PTPRM: variants seen among roughly 807,000 people sequenced by gnomAD.
The protein encoded by PTPRM is receptor-type tyrosine-protein phosphatase mu.
Under a neutral mutation model 186.7 loss-of-function variants are expected in PTPRM, and 47 were observed. The ratio of observed to expected loss-of-function variants is 0.25; its 90% confidence interval spans 0.20 to 0.32. The LOEUF is 0.32. Ranked by LOEUF, PTPRM falls within the 10% of genes least tolerant of loss-of-function variation. The pLI, the probability that PTPRM is intolerant of heterozygous loss-of-function variation, is 1.00. For synonymous variants in PTPRM, 668 were observed against 674.9 expected (o/e 0.99, Z 0.16); for missense variants, 1,494 against 1,865.0 (o/e 0.80, Z 3.66).
At chr18:8,052,770 T>C (rs1368514921) in intron 7 of PTPRM, among the ~76,000 whole-genome samples, 1 of 152,202 alleles carries the variant, frequency 6.6e-6, no homozygotes, top group African/African-American at 2.4e-5. Context: ...TTGTGTTCCA[T>C]AGTGGCTGTA....
At chr18:7,620,475 A>C (rs2037911679) in intron 1 of PTPRM, among the ~76,000 whole-genome samples, 1 of 152,110 alleles carries the variant, frequency 6.6e-6, no homozygotes. Flanking sequence ...GAGTGGGTGA[A>C]AGTGCTTGTA....
chr18:8,067,068 A>T (rs2089139492), intron 7 of PTPRM, among the ~76,000 whole-genome samples: 3 of 152,246 alleles, frequency 2.0e-5, no homozygotes, highest in African/African-American at 4.8e-5. Context: ...ATAGTTTTCC[A>T]TTGAAATTAA....
At chr18:7,943,467 G>A (rs1165940580) in intron 5 of PTPRM, among the ~76,000 whole-genome samples, 4 of 152,172 alleles carry the variant, frequency 2.6e-5, no homozygotes, top group South Asian at 2.1e-4. Flanking sequence ...CAAGATGCAC[G>A]ACCCCTGGAC....
At chr18:7,959,584 T>A (rs1209057284) in intron 7 of PTPRM, among the ~76,000 whole-genome samples, 3 of 152,238 alleles carry the variant, frequency 2.0e-5, no homozygotes, top group Non-Finnish European at 4.4e-5. Context: ...TGTAACACAC[T>A]TCCAAAACTC....
intron 26 of PTPRM, chr18:8,376,919 C>T (rs779333378): frequency 8.0e-5 from 19 of 237,132 alleles, no homozygotes; most frequent in Middle Eastern, 1.4e-3. Flanking sequence ...CTCTTTTAAA[C>T]TAGCTGGTAA....
chr18:7,834,753 A>C (rs567827315), intron 2 of PTPRM, among the ~76,000 whole-genome samples: 12 of 151,832 alleles, frequency 7.9e-5, no homozygotes, highest in African/African-American at 2.9e-4. Context: ...CATTTTCTTT[A>C]CTATAAGGCT....
intron 14 of PTPRM, among the ~76,000 whole-genome samples, chr18:8,183,256 C>T (rs1316290720): frequency 6.6e-6 from 1 of 152,048 alleles, no homozygotes; most frequent in African/African-American, 2.4e-5. Context: ...TTAACTCTTA[C>T]AAGTTATTTA....
At chr18:7,796,965 C>T (rs2043693063) in intron 2 of PTPRM, among the ~76,000 whole-genome samples, 1 of 152,174 alleles carries the variant, frequency 6.6e-6, no homozygotes, top group Admixed American at 6.5e-5. Flanking sequence ...TCTTATATTT[C>T]ACATCTGTGA....
intron 20 of PTPRM, among the ~76,000 whole-genome samples, chr18:8,299,627 T>C (rs1046466965): frequency 6.6e-6 from 1 of 151,896 alleles, no homozygotes; most frequent in African/African-American, 2.4e-5. Context: ...AAACACAAGA[T>C]ACTGCCCTCC....
intron 14 of PTPRM, among the ~76,000 whole-genome samples, chr18:8,200,237 G>A (rs1233979877): frequency 2.6e-5 from 4 of 152,170 alleles, no homozygotes; most frequent in African/African-American, 4.8e-5. Flanking sequence ...CATCATTGCC[G>A]TGGTGCAGGG....
intron 30 of PTPRM, among the ~76,000 whole-genome samples, chr18:8,385,673 C>T (rs530320545): frequency 1.3e-5 from 2 of 152,294 alleles, no homozygotes; most frequent in East Asian, 3.9e-4. Context: ...CTTGGGGGCC[C>T]CGGCTGGAAG....
intron 1 of PTPRM, among the ~76,000 whole-genome samples, chr18:7,689,182 G>A (rs4121620): frequency 0.6 from 91,383 of 151,978 alleles, 28,362 homozygotes; most frequent in East Asian, 0.97. Flanking sequence ...AGAAAGAACT[G>A]CATCCTGGTT....
At chr18:8,100,879 A>C (rs191607422) in intron 11 of PTPRM, among the ~76,000 whole-genome samples, 1 of 152,210 alleles carries the variant, frequency 6.6e-6, no homozygotes, top group African/African-American at 2.4e-5. Context: ...AAAATTTCCT[A>C]TCATTACTGC....
intron 7 of PTPRM, among the ~76,000 whole-genome samples, chr18:7,973,891 A>G (rs2054744973): frequency 6.6e-6 from 1 of 150,704 alleles, no homozygotes; most frequent in Admixed American, 6.6e-5. Context: ...TTTAGAAGAT[A>G]TTTTTCTACA....
intron 1 of PTPRM, among the ~76,000 whole-genome samples, chr18:7,751,900 A>G (rs1313073156): frequency 3.3e-5 from 5 of 152,196 alleles, no homozygotes; most frequent in Non-Finnish European, 5.9e-5. Context: ...CGTTTCTTTT[A>G]CAGTTAGTAA....
intron 2 of PTPRM, among the ~76,000 whole-genome samples, chr18:7,872,511 T>G (rs562244224): frequency 6.6e-6 from 1 of 152,346 alleles, no homozygotes; most frequent in African/African-American, 2.4e-5. Flanking sequence ...GAAAGAGTTA[T>G]TTACAAAAAT....
intron 11 of PTPRM, among the ~76,000 whole-genome samples, chr18:8,093,272 G>A (rs1389319629): frequency 6.6e-6 from 1 of 152,074 alleles, no homozygotes; most frequent in Non-Finnish European, 1.5e-5. Flanking sequence ...CCAACCTCAT[G>A]GGGTTCTTGT....
At chr18:7,759,091 T>TAA (rs745944406) in intron 1 of PTPRM, among the ~76,000 whole-genome samples, 1 of 152,226 alleles carries the variant, frequency 6.6e-6, no homozygotes, top group Non-Finnish European at 1.5e-5. Flanking sequence ...ATCATTGGTT[T>TAA]AAACCTTACA....
At chr18:8,141,437 C>T (rs1568411282) in intron 13 of PTPRM, among the ~76,000 whole-genome samples, 1 of 152,168 alleles carries the variant, frequency 6.6e-6, no homozygotes, top group Non-Finnish European at 1.5e-5. Context: ...AATGATAATA[C>T]TGAGCTTCCA....
Sources: allele counts gnomAD v4.1 joint callset (sites outside exome capture counted in the v4.1 genomes callset), GRCh38; gene constraint gnomAD v4.1.1; transcripts MANE v1.5; gene names NCBI Gene and HGNC (gene_info 2026-07-23, HGNC 2026-07-21).